The following DOCK7 variants were observed in gnomAD, a reference collection of about 807,000 sequenced individuals.
DOCK7 encodes the protein dedicator of cytokinesis protein 7.
Under a neutral mutation model 271.0 loss-of-function variants are expected in DOCK7, and 138 were observed. The ratio of observed to expected loss-of-function variants is 0.51; its 90% CI spans 0.44 to 0.59. The LOEUF (loss-of-function observed/expected upper bound fraction) is 0.59. DOCK7 is among the 20% of genes least tolerant of loss of function. The pLI is 0.00. For synonymous variants in DOCK7, 823 were observed against 876.1 expected, an observed-to-expected ratio of 0.94 and a Z score of 1.07; for missense variants, 2,066 against 2,592.4, an observed-to-expected ratio of 0.80 and a Z score of 4.41.
rs373291768 is a variant in DOCK7 at position 62,497,462 on chromosome 1, T to C, written c.4765-965A>G. On this transcript the variant is annotated intron_variant, in intron 37 of 49. Coordinates refer to ENST00000635253, the MANE Select transcript of DOCK7 (RefSeq NM_001367561.1). Reference sequence around the variant, plus strand: ...ATGTCTAAAATACCTTCTCTCCCTATTGATTATCTAAAAAAGTGATACTAT... The same window carrying C: ...ATGTCTAAAATACCTTCTCTCCCTACTGATTATCTAAAAAAGTGATACTAT... Among the ~76,000 whole-genome samples, 16 of 152,304 alleles carry C rather than the reference T, an allele frequency of 1.1e-4. No individual in the cohort carries two copies. In the East Asian group the frequency reaches 2.7e-3, roughly 26 times the overall value.
In DOCK7 at chr1:62,618,633, AT is replaced by A. The variant is rs1571789771; in HGVS notation, c.1682+72del. 10 of 1,341,544 alleles carry A rather than the reference AT, an allele frequency of 7.5e-6. No individual in the cohort carries two copies. The East Asian group carries it at 2.5e-4, about 33-fold the overall frequency. 83.1% of individuals were successfully genotyped at this position (1,341,544 alleles called of 1,614,324 possible). On this transcript the variant is annotated intron_variant, in intron 14 of 49. Coordinates refer to ENST00000635253, the MANE Select transcript of DOCK7 (RefSeq NM_001367561.1). ...ACTACTTAAGATTTTTGGAGAGTTT[AT>A]TCTAGTTATACTTTAATATTTTAGA...
At chr1:62,653,655 C>T in intron 4 of DOCK7, 70 bp downstream of exon 4, 5 of 1,013,060 alleles carry the variant, frequency 4.9e-6, no homozygotes, top group South Asian at 1.4e-5. Context: ...ATAAACATTA[C>T]GAATCTGCCT....
At chr1:62,481,368 A>C (rs924241927) in intron 43 of DOCK7, 1 of 152,136 alleles carries the variant, frequency 6.6e-6, no homozygotes, top group African/African-American at 2.4e-5. Context: ...GAGAGAAAGA[A>C]AGGCTGAGAA....
At chr1:62,479,786 C>T (rs1646067518) in intron 43 of DOCK7, 3 of 292,932 alleles carry the variant, frequency 1.0e-5, no homozygotes, top group South Asian at 6.1e-5. Flanking sequence ...TGGGCTCAAG[C>T]GATCCTTCCA....
At chr1:62,559,824 G>T (rs1055427443) in intron 19 of DOCK7, among the ~76,000 whole-genome samples, 1 of 152,110 alleles carries the variant, frequency 6.6e-6, no homozygotes, top group African/African-American at 2.4e-5. Flanking sequence ...GATTTCAGGG[G>T]GGTTCCCATT....
chr1:62,657,724 A>G (rs1210888652), intron 2 of DOCK7, among the ~76,000 whole-genome samples: 11 of 152,208 alleles, frequency 7.2e-5, no homozygotes, highest in Admixed American at 7.2e-4. Flanking sequence ...AACAGAAGAT[A>G]TAAAGAACTA....
chr1:62,641,116 CT>C (rs1655968519), intron 7 of DOCK7: 1 of 264,982 alleles, frequency 3.8e-6, no homozygotes, highest in African/African-American at 2.3e-5. Flanking sequence ...CTTTATTGGA[CT>C]CAGACCAGGA....
intron 18 of DOCK7, among the ~76,000 whole-genome samples, chr1:62,572,466 G>C (rs1180516856): frequency 6.6e-6 from 1 of 152,148 alleles, no homozygotes; most frequent in East Asian, 1.9e-4. Flanking sequence ...AAGTGTCTTA[G>C]TCACCTCAGG....
intron 48 of DOCK7, among the ~76,000 whole-genome samples, chr1:62,470,670 T>A (rs1324411728): frequency 6.6e-6 from 1 of 152,114 alleles, no homozygotes; most frequent in Non-Finnish European, 1.5e-5. Context: ...GGTGGGCACC[T>A]GTAATCCCAG....
intron 43 of DOCK7, chr1:62,482,597 G>A (rs142396120): frequency 3.3e-5 from 5 of 152,410 alleles, no homozygotes; most frequent in East Asian, 3.9e-4. Context: ...TTACAGACAT[G>A]AGCCACCACG....
intron 4 of DOCK7, among the ~76,000 whole-genome samples, chr1:62,652,549 T>G (rs1657517538): frequency 6.6e-6 from 1 of 152,096 alleles, no homozygotes. Context: ...GAGTGCAAAG[T>G]GCCCAATAAA....
chr1:62,610,665 A>G (rs1651658569), intron 14 of DOCK7, among the ~76,000 whole-genome samples: 2 of 151,756 alleles, frequency 1.3e-5, no homozygotes, highest in Admixed American at 6.6e-5. Flanking sequence ...CCCTGTGTCC[A>G]TGTGTTCTCA....
At chr1:62,507,567 A>T (rs551249107) in intron 35 of DOCK7, among the ~76,000 whole-genome samples, 6 of 152,390 alleles carry the variant, frequency 3.9e-5, no homozygotes, top group Non-Finnish European at 8.8e-5. Context: ...CAACACAATG[A>T]TTATAGATAA....
At chr1:62,619,413 C>T (rs1652857936) in intron 13 of DOCK7, among the ~76,000 whole-genome samples, 1 of 152,208 alleles carries the variant, frequency 6.6e-6, no homozygotes, top group Non-Finnish European at 1.5e-5. Context: ...CTAGTGGATG[C>T]CTGAAACTGC....
intron 18 of DOCK7, 50 bp from the exon 19 acceptor site, chr1:62,561,753 C>T (rs1180796109): frequency 1.6e-6 from 2 of 1,214,326 alleles, no homozygotes; most frequent in Admixed American, 2.8e-5. Flanking sequence ...AGATTATGAA[C>T]TCTGAAAATA....
intron 14 of DOCK7, chr1:62,602,423 CAAA>C: frequency 6.5e-7 from 1 of 1,544,198 alleles, no homozygotes; most frequent in Non-Finnish European, 8.9e-7. Context: ...TGCTAATCTA[CAAA>C]TATTTACTGA....
intron 22 of DOCK7, among the ~76,000 whole-genome samples, chr1:62,547,556 C>T (rs773267504): frequency 2.6e-5 from 4 of 152,058 alleles, no homozygotes; most frequent in Non-Finnish European, 5.9e-5. Flanking sequence ...ATCCACAAGT[C>T]CTCAGCATAG....
intron 29 of DOCK7, among the ~76,000 whole-genome samples, chr1:62,533,513 C>A (rs566483874): frequency 6.6e-6 from 1 of 151,808 alleles, no homozygotes; most frequent in South Asian, 2.1e-4. Flanking sequence ...GGTGGAAGGC[C>A]CAGAGTTTCA....
rs750861708 is a variant in DOCK7, at chr1:62,538,035, C to T, written c.3327G>A (p.Pro1109=). 2.1e-5 allele frequency: 34 copies of T among 1,613,542 alleles called. No individual in the cohort carries two copies. The highest frequency in any genetic ancestry group is 5.0e-5 in the Admixed American group (3 of 59,972). Residue 1109 remains proline, a synonymous_variant, in exon 28 of 50, where the codon CCG becomes CCA. Coordinates refer to ENST00000635253, the MANE Select transcript of DOCK7 (RefSeq NM_001367561.1). ...KQVSSKLYSL[P]NPSVLVSLRL... ...TCAAGGACACCAGAACACTGGGATT[C>T]GGTAATGAGTAAAGCTTTGAAGACA... is the stretch of plus-strand genomic sequence containing the variant.
Sources: allele counts gnomAD v4.1 joint callset (sites outside exome capture counted in the v4.1 genomes callset), GRCh38; gene constraint gnomAD v4.1.1; transcripts MANE v1.5; gene names NCBI Gene and HGNC (gene_info 2026-07-23, HGNC 2026-07-21).